ADGRL2: variants seen among roughly 807,000 people sequenced by gnomAD.
ADGRL2 encodes adhesion G protein-coupled receptor L2.
ADGRL2 carries 44 observed loss-of-function variants against 157.4 expected under a neutral mutation model. The ratio of observed to expected loss-of-function variants is 0.28; its 90% confidence interval spans 0.22 to 0.36. The LOEUF (loss-of-function observed/expected upper bound fraction) is 0.36. Ranked by LOEUF, ADGRL2 falls within the 10% of genes least tolerant of loss-of-function variation. ADGRL2 has a pLI of 1.00. For synonymous variants in ADGRL2, 585 were observed against 624.7 expected (o/e 0.94, Z 0.95); for missense variants, 1,510 against 1,768.9 (o/e 0.85, Z 2.63).
intron 1 of ADGRL2, among the ~76,000 whole-genome samples, chr1:81,403,716 T>C (rs1236711106): frequency 6.6e-6 from 1 of 152,130 alleles, no homozygotes; most frequent in Non-Finnish European, 1.5e-5. Context: ...CTGCAGTGTA[T>C]ATGTTTCTAT....
chr1:81,615,088 G>T (rs2081616013), intron 3 of ADGRL2, among the ~76,000 whole-genome samples: 1 of 152,122 alleles, frequency 6.6e-6, no homozygotes, highest in Non-Finnish European at 1.5e-5. Context: ...ACAAAATTTT[G>T]CAGACCATTC....
chr1:81,634,672 C>A (rs931079371), intron 3 of ADGRL2, among the ~76,000 whole-genome samples: 3 of 151,956 alleles, frequency 2.0e-5, no homozygotes, highest in Non-Finnish European at 4.4e-5. Flanking sequence ...TATAGGCACA[C>A]GCCATCACGT....
In ADGRL2 at chr1:81,906,999, T is replaced by G. The variant is rs1262307616; in HGVS notation, c.74-18T>G. 6.3e-7 allele frequency: 1 copy of G among 1,594,472 alleles called. No individual in the cohort carries two copies. The highest frequency in any genetic ancestry group is 8.6e-7 in the Non-Finnish European group (1 of 1,163,950). ...ATAAATGAGTTACAGTTTAATTTTC[T>G]TTCTTTTTTATTTTAAGGTTTCAGC... On this transcript the variant is annotated intron_variant, in intron 2 of 23. Transcript: ENST00000686636.
At chr1:81,539,760 A>C (rs1175049697) in intron 2 of ADGRL2, among the ~76,000 whole-genome samples, 1 of 151,736 alleles carries the variant, frequency 6.6e-6, no homozygotes, top group Non-Finnish European at 1.5e-5. Context: ...ATCCAACATG[A>C]CTGTTCTAGC....
At chr1:81,927,964 A>G (rs2095146345) in intron 3 of ADGRL2, among the ~76,000 whole-genome samples, 1 of 151,840 alleles carries the variant, frequency 6.6e-6, no homozygotes, top group Admixed American at 6.6e-5. Context: ...TTAACATTCA[A>G]CTCCATTTTT....
intron 3 of ADGRL2, among the ~76,000 whole-genome samples, chr1:81,651,669 T>C (rs754628869): frequency 1.4e-4 from 22 of 152,162 alleles, no homozygotes; most frequent in Non-Finnish European, 2.8e-4. Flanking sequence ...ATCAATTCAT[T>C]ATATTTTGGT....
chr1:81,338,367 AACAAAACAAAACAAAAC>A (rs1661805608), intron 1 of ADGRL2, among the ~76,000 whole-genome samples: 1 of 120,742 alleles, frequency 8.3e-6, no homozygotes, highest in African/African-American at 3.3e-5. Context: ...TGACTCAAAA[AACAAAACAAAACAAAAC>A]ACAAAACAAA....
chr1:81,382,857 G>C (rs79757716), intron 1 of ADGRL2, among the ~76,000 whole-genome samples: 5,561 of 152,262 alleles, frequency 0.037, 146 homozygotes, highest in African/African-American at 0.065. Flanking sequence ...AAAAAGTTGA[G>C]TGTTTCCATG....
rs1230747573 is a variant in ADGRL2 at position 81,992,797 on chromosome 1, A to G, written c.*1652A>G. Among the ~76,000 whole-genome samples, 2 of 151,968 alleles carry G rather than the reference A, an allele frequency of 1.3e-5. No homozygotes were observed. Among genetic ancestry groups the G allele is most frequent in the Non-Finnish European group, 2.9e-5 (2 of 67,994 alleles). On this transcript the variant is annotated 3_prime_UTR_variant, in exon 24 of 24. Coordinates refer to ENST00000686636, the MANE Select transcript of ADGRL2 (RefSeq NM_001366006.2). ...TACTTTAAGGATTATAAATATCCCT[A>G]TAGACAGCTGTGAATACCAATATAC... is the stretch of plus-strand genomic sequence containing the variant.
chr1:81,959,789 T>A (rs1324127699), intron 11 of ADGRL2, among the ~76,000 whole-genome samples: 5 of 152,070 alleles, frequency 3.3e-5, no homozygotes, highest in Non-Finnish European at 7.4e-5. Context: ...ATCTGATAGA[T>A]ATGTCAGTTG....
At chr1:81,944,469 T>C (rs1299559557) in intron 6 of ADGRL2, among the ~76,000 whole-genome samples, 1 of 152,068 alleles carries the variant, frequency 6.6e-6, no homozygotes, top group Admixed American at 6.6e-5. Context: ...TTTGGAAATA[T>C]ACTTTGGTTT....
At chr1:81,558,609 C>T (rs1056602954) in intron 2 of ADGRL2, among the ~76,000 whole-genome samples, 1 of 151,782 alleles carries the variant, frequency 6.6e-6, no homozygotes, top group African/African-American at 2.4e-5. Flanking sequence ...CAAATTTTGC[C>T]TCAGCTATTG....
intron 3 of ADGRL2, among the ~76,000 whole-genome samples, chr1:81,925,879 C>T (rs912276620): frequency 6.6e-6 from 1 of 151,742 alleles, no homozygotes; most frequent in Non-Finnish European, 1.5e-5. Flanking sequence ...TCTCAGGAGT[C>T]AGAAAAAAAA....
intron 2 of ADGRL2, among the ~76,000 whole-genome samples, chr1:81,551,662 A>T (rs1424536793): frequency 6.6e-6 from 1 of 152,158 alleles, no homozygotes; most frequent in Non-Finnish European, 1.5e-5. Flanking sequence ...ATGTCTAAAG[A>T]ATGCTGGGTC....
At chr1:81,737,618 G>A (rs1258831610) in intron 1 of ADGRL2, among the ~76,000 whole-genome samples, 1 of 152,094 alleles carries the variant, frequency 6.6e-6, no homozygotes, top group African/African-American at 2.4e-5. Context: ...ATAAAAGAGG[G>A]AATATTCTTA....
chr1:81,711,583 G>T (rs1379215335), intron 1 of ADGRL2, among the ~76,000 whole-genome samples: 2 of 152,086 alleles, frequency 1.3e-5, no homozygotes, highest in Non-Finnish European at 2.9e-5. Flanking sequence ...TTTGTTGTTT[G>T]TTTTGTGTTG....
chr1:81,968,012 A>G lies in ADGRL2; in HGVS notation c.2350-14A>G. 1 of 1,609,436 alleles carries G rather than the reference A, an allele frequency of 6.2e-7. No individual in the cohort carries two copies. Among genetic ancestry groups the G allele is most frequent in the Non-Finnish European group, 8.5e-7 (1 of 1,176,120 alleles). The stretch of plus-strand genomic sequence containing the variant: ...TATAAAATCCTAATTTTATCTTGTC[A>G]TTTTATTTCCCAGCCTGACAATTAT... On this transcript the variant is annotated splice_polypyrimidine_tract_variant and intron_variant, in intron 13 of 23. Coordinates refer to ENST00000686636, the MANE Select transcript of ADGRL2 (RefSeq NM_001366006.2).
At chr1:81,669,633 C>T (rs961288624) in intron 3 of ADGRL2, among the ~76,000 whole-genome samples, 1 of 152,022 alleles carries the variant, frequency 6.6e-6, no homozygotes, top group Admixed American at 6.6e-5. Context: ...ATGCAGGATG[C>T]TCTAAGAGCA....
Position 81,427,514 on chromosome 1 carries a change from C to T in ADGRL2, c.-301-17522C>T, listed in dbSNP as rs2077240680. 2.9e-5 allele frequency: 22 copies of T among 750,248 alleles called. No individual in the cohort carries two copies. In the South Asian group the frequency reaches 3.0e-4, roughly 10 times the overall value. 46.5% of individuals were successfully genotyped at this position (750,248 alleles called of 1,614,324 possible). On this transcript the variant is annotated intron_variant, in intron 1 of 24. Coordinates refer to the ADGRL2 transcript ENST00000370721. Reference sequence around the variant, plus strand: ...GGACAACAGCAATCAAATTACGAACCCATGTAAGGGGGCAGTTTTGGTGGA... The same window carrying T: ...GGACAACAGCAATCAAATTACGAACTCATGTAAGGGGGCAGTTTTGGTGGA...
Sources: gnomAD v4.1 joint callset for allele counts (sites outside exome capture counted in the v4.1 genomes callset) on GRCh38, gnomAD v4.1.1 for gene constraint, MANE v1.5 for transcripts, NCBI Gene and HGNC (gene_info 2026-07-23, HGNC 2026-07-21) for gene names.